Variants in MAP2 observed in about 807,000 individuals in gnomAD.
MAP2 encodes microtubule-associated protein 2.
MAP2 carries 14 observed loss-of-function variants against 137.6 expected under a neutral mutation model. That is an observed-to-expected ratio of 0.10 (90% CI 0.07 to 0.16). MAP2 has a LOEUF of 0.16. Among genes scored for constraint, MAP2 ranks in the 10% least tolerant of loss-of-function variants. MAP2 has a pLI of 1.00. For missense variants in MAP2, 2,088 were observed against 2,191.5 expected (o/e 0.95, Z 0.94); for synonymous variants, 786 against 782.3 (o/e 1.00, Z -0.08).
intron 4 of MAP2, among the ~76,000 whole-genome samples, chr2:209,631,526 T>C (rs1372615778): frequency 6.6e-6 from 1 of 151,890 alleles, no homozygotes; most frequent in Non-Finnish European, 1.5e-5. Context: ...CCACAAGTGG[T>C]ATGTTTGGCC....
chr2:209,501,331 T>A (rs930215893), intron 1 of MAP2, among the ~76,000 whole-genome samples: 1 of 152,186 alleles, frequency 6.6e-6, no homozygotes, highest in Non-Finnish European at 1.5e-5. Flanking sequence ...GCTATTTTCA[T>A]CTTGTATTCC....
chr2:209,709,279 G>C (rs969418162), intron 12 of MAP2, among the ~76,000 whole-genome samples: 3 of 151,684 alleles, frequency 2.0e-5, no homozygotes, highest in Admixed American at 2.0e-4. Flanking sequence ...CTTTTTTTTT[G>C]GTTTGAAGCA....
chr2:209,478,820 T>A (rs928741730), intron 1 of MAP2, among the ~76,000 whole-genome samples: 3 of 152,242 alleles, frequency 2.0e-5, no homozygotes, highest in African/African-American at 7.2e-5. Flanking sequence ...TTGTGATATT[T>A]GTTTTAAATT....
chr2:209,453,881 G>C (rs532859779), intron 1 of MAP2, among the ~76,000 whole-genome samples: 4 of 152,204 alleles, frequency 2.6e-5, no homozygotes, highest in Middle Eastern at 3.4e-3. Context: ...GCCGGGTGTC[G>C]TGGCTCACGC....
In MAP2 at chr2:209,657,540, A is replaced by AT. The variant is rs569809502; in HGVS notation, c.262+4116dup. Among the ~76,000 whole-genome samples the AT allele has an allele frequency of 6.0e-5, 9 of 151,116 alleles. No homozygotes were observed. The South Asian group carries it at 1.3e-3, about 21-fold the overall frequency. ...TCCGTGATGATTAGTGATGTTGAGC[A>AT]TTTTTTTTCATATACCTATTTGGCC... is the stretch of plus-strand genomic sequence containing the variant. On this transcript the variant is annotated intron_variant, in intron 5 of 15. Coordinates refer to ENST00000682079, the MANE Select transcript of MAP2 (RefSeq NM_001375505.1).
At chr2:209,551,900 A>G (rs1194387274) in intron 2 of MAP2, among the ~76,000 whole-genome samples, 2 of 152,176 alleles carry the variant, frequency 1.3e-5, no homozygotes, top group South Asian at 2.1e-4. Context: ...CTTCCCTTCA[A>G]CTTTACAGCT....
intron 1 of MAP2, among the ~76,000 whole-genome samples, chr2:209,484,687 CACAA>C (rs909454747): frequency 6.6e-6 from 1 of 152,108 alleles, no homozygotes; most frequent in African/African-American, 2.4e-5. Context: ...AAGATTCCAT[CACAA>C]ACAAACAAAC....
chr2:209,719,241 A>G (rs566025637), intron 13 of MAP2, among the ~76,000 whole-genome samples: 6 of 152,268 alleles, frequency 3.9e-5, no homozygotes, highest in African/African-American at 1.2e-4. Flanking sequence ...CGGTGTTGCA[A>G]CCTAGGTTCG....
intron 1 of MAP2, among the ~76,000 whole-genome samples, chr2:209,481,010 G>A (rs1186993848): frequency 1.3e-5 from 2 of 152,132 alleles, no homozygotes; most frequent in Non-Finnish European, 2.9e-5. Context: ...TACCTTCGAG[G>A]TTACAAGATT....
intron 2 of MAP2, among the ~76,000 whole-genome samples, chr2:209,520,371 A>T (rs1576968282): frequency 6.6e-6 from 1 of 152,080 alleles, no homozygotes; most frequent in Non-Finnish European, 1.5e-5. Context: ...TGCCTCTTTA[A>T]AATTTAGTAG....
At chr2:209,519,061 G>A (rs1339092582) in intron 2 of MAP2, among the ~76,000 whole-genome samples, 1 of 151,834 alleles carries the variant, frequency 6.6e-6, no homozygotes, top group African/African-American at 2.4e-5. Context: ...AATTGTTGAG[G>A]GAATATAATT....
At chr2:209,500,737 AAAC>A (rs1482623491) in intron 1 of MAP2, among the ~76,000 whole-genome samples, 1 of 152,146 alleles carries the variant, frequency 6.6e-6, no homozygotes, top group African/African-American at 2.4e-5. Flanking sequence ...CATAACAAAC[AAAC>A]AACAACAAAA....
chr2:209,711,980 T>C (rs2065652178), intron 13 of MAP2, among the ~76,000 whole-genome samples: 1 of 152,088 alleles, frequency 6.6e-6, no homozygotes, highest in Non-Finnish European at 1.5e-5. Context: ...AAAATACAAA[T>C]TATCTCCAAG....
rs776286404 is a variant in MAP2 at position 209,730,291 on chromosome 2, G to A, written c.5378G>A (p.Arg1793Gln). 7 of 1,613,938 alleles carry A rather than the reference G, an allele frequency of 4.3e-6. No homozygotes were observed. Among genetic ancestry groups the A allele is most frequent in the Admixed American group, 3.3e-5 (2 of 59,992 alleles). Residue 1793 changes from arginine (R) to glutamine (Q), a missense_variant, in exon 16 of 16, where the codon CGA becomes CAA. By Grantham distance (43) the Arg-to-Gln change is conservative. Coordinates refer to ENST00000682079, the MANE Select transcript of MAP2 (RefSeq NM_001375505.1). ...AGATCCAGCGTGGCATCACCCCGAC[G>A]ACTCAGCAATGTCTCCTCGTCTGGA... Reference protein sequence around the residue: ...PGRSSVASPRRLSNVSSSGSI... With the variant: ...PGRSSVASPRQLSNVSSSGSI...
At position 209,521,256 on chromosome 2, in the gene MAP2, G is replaced by A. The variant is rs374223839; in HGVS notation, c.-172+13615G>A. On this transcript the variant is annotated intron_variant, in intron 2 of 15. Coordinates refer to ENST00000682079, the MANE Select transcript of MAP2 (RefSeq NM_001375505.1). The stretch of plus-strand genomic sequence containing the variant: ...TATTCAGGTGGCAGCAGCCTTCTAC[G>A]TACATACATGTACTTTACAACACAC... 2.9e-4 allele frequency among the ~76,000 whole-genome samples: 44 copies of A among 152,056 alleles called. No individual in the cohort carries two copies. The South Asian group carries it at 3.1e-3, about 11-fold the overall frequency.
At chr2:209,714,490 G>A (rs1192854468) in intron 13 of MAP2, among the ~76,000 whole-genome samples, 1 of 152,172 alleles carries the variant, frequency 6.6e-6, no homozygotes, top group African/African-American at 2.4e-5. Flanking sequence ...AGAAAAAACA[G>A]TACTCACTTT....
intron 2 of MAP2, among the ~76,000 whole-genome samples, chr2:209,527,831 G>A (rs2064312030): frequency 6.6e-6 from 1 of 152,160 alleles, no homozygotes; most frequent in African/African-American, 2.4e-5. Flanking sequence ...TCGGTAACCT[G>A]CGTTTTGTCA....
At chr2:209,685,252 C>A (rs2056570628) in intron 7 of MAP2, among the ~76,000 whole-genome samples, 1 of 152,048 alleles carries the variant, frequency 6.6e-6, no homozygotes, top group African/African-American at 2.4e-5. Context: ...TTATTTGTTA[C>A]AAGCTACTAT....
intron 3 of MAP2, among the ~76,000 whole-genome samples, chr2:209,592,777 C>A (rs1274517086): frequency 6.6e-6 from 1 of 152,022 alleles, no homozygotes; most frequent in Admixed American, 6.6e-5. Context: ...ACCTATTTGG[C>A]AATCAGACTA....
Sources: allele counts gnomAD v4.1 joint callset (sites outside exome capture counted in the v4.1 genomes callset), GRCh38; gene constraint gnomAD v4.1.1; transcripts MANE v1.5; gene names NCBI Gene and HGNC (gene_info 2026-07-23, HGNC 2026-07-21).